Variants in NEGR1 observed in about 807,000 individuals in gnomAD.
The protein encoded by NEGR1 is IgLON family member 4.
A neutral mutation model predicts 40.9 loss-of-function variants in NEGR1; 10 were observed. The observed-to-expected ratio is 0.24, with a 90% CI of 0.15 to 0.42. The LOEUF (loss-of-function observed/expected upper bound fraction) is 0.42, where lower values mean the gene tolerates loss of function less well. Among genes scored for constraint, NEGR1 ranks in the 10% least tolerant of loss-of-function variants. NEGR1 has a pLI of 1.00. For synonymous variants in NEGR1, 185 were observed against 166.8 expected (o/e 1.11, Z -0.84); for missense variants, 352 against 438.9 (o/e 0.80, Z 1.77).
At chr1:72,144,526 A>C (rs769977140) in intron 1 of NEGR1, among the ~76,000 whole-genome samples, 43 of 152,010 alleles carry the variant, frequency 2.8e-4, no homozygotes, top group Non-Finnish European at 4.1e-4. Flanking sequence ...ATGTGCATGG[A>C]GCATACATTC....
intron 3 of NEGR1, among the ~76,000 whole-genome samples, chr1:71,773,322 A>G (rs1477409704): frequency 1.3e-5 from 2 of 152,214 alleles, no homozygotes; most frequent in Non-Finnish European, 2.9e-5. Context: ...GACATGAGGT[A>G]TATCTACATC....
intron 1 of NEGR1, among the ~76,000 whole-genome samples, chr1:72,072,543 AAC>A (rs1297258737): frequency 1.5e-4 from 23 of 152,282 alleles, no homozygotes; most frequent in African/African-American, 5.5e-4. Flanking sequence ...TATCTGGGTG[AAC>A]AGTTTCACAA....
rs138896736 is a variant in NEGR1 at position 72,057,694 on chromosome 1, A to G, written c.177-122383T>C. Among the ~76,000 whole-genome samples, 580 of 151,494 alleles carry G rather than the reference A, an allele frequency of 3.8e-3. 3 individuals carry two copies. Among genetic ancestry groups the G allele is most frequent in the Non-Finnish European group, 6.4e-3 (431 of 67,644 alleles). On this transcript the variant is annotated intron_variant, in intron 1 of 6. Transcript: ENST00000357731. ...CATGAATTGAATGGTTTACATATAT[A>G]ACTTTATTTTCTCACAGTTCTGGAG...
intron 4 of NEGR1, among the ~76,000 whole-genome samples, chr1:71,628,889 C>A (rs189350919): frequency 6.6e-5 from 10 of 152,186 alleles, no homozygotes; most frequent in African/African-American, 2.2e-4. Flanking sequence ...GTGCATGTGT[C>A]TTTATAGCAG....
chr1:72,170,020 T>A (rs1457491484), intron 1 of NEGR1, among the ~76,000 whole-genome samples: 1 of 152,164 alleles, frequency 6.6e-6, no homozygotes, highest in African/African-American at 2.4e-5. Flanking sequence ...TTACACTCAG[T>A]ACTATATATT....
intron 1 of NEGR1, among the ~76,000 whole-genome samples, chr1:72,086,804 T>C (rs189829349): frequency 3.8e-4 from 58 of 152,270 alleles, no homozygotes; most frequent in African/African-American, 1.3e-3. Context: ...AAAAATTATA[T>C]TTTTTACTTT....
chr1:71,778,037 A>G (rs1656571397), intron 2 of NEGR1, among the ~76,000 whole-genome samples: 1 of 152,078 alleles, frequency 6.6e-6, no homozygotes, highest in African/African-American at 2.4e-5. Context: ...AAAGTACAAA[A>G]AACTTTGCAT....
intron 1 of NEGR1, among the ~76,000 whole-genome samples, chr1:72,107,475 G>A (rs1269769925): frequency 6.6e-6 from 1 of 151,332 alleles, no homozygotes; most frequent in Non-Finnish European, 1.5e-5. Context: ...TTAAACCCAA[G>A]TTTGTTATGT....
chr1:72,016,041 C>A (rs1646706915), intron 1 of NEGR1, among the ~76,000 whole-genome samples: 1 of 152,154 alleles, frequency 6.6e-6, no homozygotes, highest in Non-Finnish European at 1.5e-5. Flanking sequence ...AAGAAATTAT[C>A]CTTCATTCTG....
chr1:72,242,422 A>G (rs1570165928), intron 1 of NEGR1, among the ~76,000 whole-genome samples: 2 of 151,588 alleles, frequency 1.3e-5, no homozygotes, highest in African/African-American at 2.4e-5. Context: ...GGCAGAGACC[A>G]TATCTACCCT....
intron 4 of NEGR1, among the ~76,000 whole-genome samples, chr1:71,672,153 A>T (rs1173062009): frequency 6.6e-6 from 1 of 152,176 alleles, no homozygotes; most frequent in East Asian, 1.9e-4. Context: ...TTGAAGGCTT[A>T]CCAGTTCATT....
At chr1:71,613,078 G>A (rs925140804) in intron 4 of NEGR1, among the ~76,000 whole-genome samples, 1 of 152,178 alleles carries the variant, frequency 6.6e-6, no homozygotes, top group South Asian at 2.1e-4. Flanking sequence ...CTGCTGTGTT[G>A]AGAAAAGACC....
chr1:71,876,404 A>G (rs1660431233), intron 2 of NEGR1, among the ~76,000 whole-genome samples: 1 of 151,976 alleles, frequency 6.6e-6, no homozygotes, highest in Non-Finnish European at 1.5e-5. Flanking sequence ...AGTCCCAGCT[A>G]ATCTAGGGGC....
chr1:71,749,989 T>TTTTTTTTTTTTTTC, intron 3 of NEGR1, among the ~76,000 whole-genome samples: 1 of 93,280 alleles, frequency 1.1e-5, no homozygotes, highest in Non-Finnish European at 2.3e-5. Context: ...TGCTCCTTTC[T>TTTTTTTTTTTTTTC]TTTTTTTTTT....
intron 2 of NEGR1, among the ~76,000 whole-genome samples, chr1:71,831,804 A>G (rs1315008626): frequency 1.2e-5 from 1 of 84,900 alleles, no homozygotes. Context: ...TGAGACAAAA[A>G]GAAAAAAAAA....
At chr1:71,541,291 T>C (rs1190793857) in intron 6 of NEGR1, among the ~76,000 whole-genome samples, 1 of 151,706 alleles carries the variant, frequency 6.6e-6, no homozygotes, top group Non-Finnish European at 1.5e-5. Context: ...AATTTTTGTA[T>C]CTCTCATTTC....
chr1:71,655,447 T>G lies in NEGR1; in HGVS notation c.667+42561A>C, dbSNP rs545643773. On this transcript the variant is annotated intron_variant, in intron 4 of 6. Transcript: ENST00000357731. ...CATGGACACATTTACACACAAATAT[T>G]TGCATCCAATTTTAGGACATTTGTG... is the stretch of plus-strand genomic sequence containing the variant. Among the ~76,000 whole-genome samples, 5 of 152,326 alleles carry G rather than the reference T, an allele frequency of 3.3e-5. No homozygotes were observed. The South Asian group carries it at 1.0e-3, about 32-fold the overall frequency.
intron 5 of NEGR1, among the ~76,000 whole-genome samples, chr1:71,608,986 G>A (rs1650155906): frequency 6.6e-6 from 1 of 152,114 alleles, no homozygotes; most frequent in African/African-American, 2.4e-5. Flanking sequence ...ATCTGAGAAA[G>A]GCTATATTGG....
intron 2 of NEGR1, among the ~76,000 whole-genome samples, chr1:71,854,265 G>C (rs1417332156): frequency 6.6e-6 from 1 of 151,928 alleles, no homozygotes; most frequent in African/African-American, 2.4e-5. Flanking sequence ...CCCCCTGTGA[G>C]CTCTCAAATT....
Sources: allele counts gnomAD v4.1 joint callset (sites outside exome capture counted in the v4.1 genomes callset), GRCh38; gene constraint gnomAD v4.1.1; transcripts MANE v1.5; gene names NCBI Gene and HGNC (gene_info 2026-07-23, HGNC 2026-07-21).